MKLN1: variants seen among roughly 807,000 people sequenced by gnomAD.
The protein encoded by MKLN1 is muskelin.
MKLN1 carries 18 observed loss-of-function variants against 99.0 expected under a neutral mutation model. The observed-to-expected ratio is 0.18, with a 90% CI of 0.13 to 0.27. The LOEUF is 0.27. Ranked by LOEUF, MKLN1 falls within the 10% of genes least tolerant of loss-of-function variation. MKLN1 has a pLI of 1.00. For missense variants in MKLN1, 621 were observed against 875.9 expected (o/e 0.71, Z 3.67); for synonymous variants, 288 against 293.2 (o/e 0.98, Z 0.18).
chr7:131,217,307 A>G (rs1234607868), intron 3 of MKLN1, among the ~76,000 whole-genome samples: 1 of 152,248 alleles, frequency 6.6e-6, no homozygotes, highest in African/African-American at 2.4e-5. Context: ...ATGTGCTTAC[A>G]CAGTACAGGA....
At chr7:131,182,222 A>C (rs1240848227) in intron 2 of MKLN1, among the ~76,000 whole-genome samples, 3 of 152,218 alleles carry the variant, frequency 2.0e-5, no homozygotes, top group Non-Finnish European at 4.4e-5. Context: ...AAAATGCTTC[A>C]AACCTGGATA....
intron 15 of MKLN1, among the ~76,000 whole-genome samples, chr7:131,469,995 ACT>A (rs1219808303): frequency 6.7e-6 from 1 of 149,730 alleles, no homozygotes; most frequent in African/African-American, 2.5e-5. Context: ...CCCACCTTAG[ACT>A]CTCGAGTAGC....
rs368207333 is a variant in MKLN1 at position 131,443,458 on chromosome 7, A to T, written c.1174-23A>T. 5.9e-6 allele frequency: 9 copies of T among 1,524,886 alleles called. No homozygotes were observed. In the African/African-American group the frequency reaches 1.2e-4, roughly 21 times the overall value. The allele number at this position is 1,524,886 out of a possible 1,614,324, so 94.5% of individuals were successfully genotyped here. ...TGACAGGAACAAACTAAAACTATTC[A>T]ATCTGTTGCCTTGTTCTGATAGATG... On this transcript the variant is annotated intron_variant, in intron 10 of 17. Coordinates refer to ENST00000352689, the MANE Select transcript of MKLN1 (RefSeq NM_013255.5).
chr7:131,161,172 A>C (rs1449209285), intron 2 of MKLN1, among the ~76,000 whole-genome samples: 1 of 152,216 alleles, frequency 6.6e-6, no homozygotes, highest in African/African-American at 2.4e-5. Context: ...TAAGAGCAGG[A>C]CAGACAGGGT....
chr7:131,486,469 T>G (rs1797281504), intron 17 of MKLN1, among the ~76,000 whole-genome samples: 1 of 152,124 alleles, frequency 6.6e-6, no homozygotes, highest in Non-Finnish European at 1.5e-5. Flanking sequence ...CTTGAGGTAT[T>G]GTTTATTTTC....
At chr7:131,126,146 A>C (rs980862040) in intron 1 of MKLN1, among the ~76,000 whole-genome samples, 1 of 152,250 alleles carries the variant, frequency 6.6e-6, no homozygotes, top group South Asian at 2.1e-4. Context: ...CGTTTGAAGG[A>C]CATGTACAAA....
chr7:131,478,593 T>TGC (rs770672746), intron 16 of MKLN1, 30 bp from the exon 17 acceptor site: 466 of 1,389,490 alleles, frequency 3.4e-4, no homozygotes, highest in Admixed American at 7.2e-4. Flanking sequence ...AATTTGCTGC[T>TGC]TCTTTTTTTT....
chr7:131,323,189 T>C (rs1798818197), upstream of MKLN1, among the ~76,000 whole-genome samples: 1 of 152,048 alleles, frequency 6.6e-6, no homozygotes, highest in South Asian at 2.1e-4. Context: ...GAGAAGGAAA[T>C]GTGTACATTG....
chr7:131,491,382 C>G lies in MKLN1; in HGVS notation c.*3654C>G, dbSNP rs1000775246. 5.3e-5 allele frequency: 8 copies of G among 152,072 alleles called. No homozygotes were observed. Among genetic ancestry groups the G allele is most frequent in the Admixed American group, 3.3e-4 (5 of 15,254 alleles). 9.4% of individuals were successfully genotyped at this position (152,072 alleles called of 1,614,324 possible). A position where few individuals can be genotyped will look rare whatever the true frequency, so the allele number is the denominator to read the frequency against. ...AAGGCTGCCCAGAAAAAGTTTATGGCTGGAGGAGTATCATACAGTGTCTAC... is the reference window on the plus strand; with the variant it reads ...AAGGCTGCCCAGAAAAAGTTTATGGGTGGAGGAGTATCATACAGTGTCTAC... On this transcript the variant is annotated 3_prime_UTR_variant, in exon 18 of 18. Coordinates refer to ENST00000352689, the MANE Select transcript of MKLN1 (RefSeq NM_013255.5).
chr7:131,342,748 C>G (rs1407177330), intron 1 of MKLN1, among the ~76,000 whole-genome samples: 1 of 152,178 alleles, frequency 6.6e-6, no homozygotes, highest in Non-Finnish European at 1.5e-5. Flanking sequence ...ACATCTAGGT[C>G]TGAAAGTTTA....
At chr7:131,372,090 G>A (rs1484063258) in intron 1 of MKLN1, among the ~76,000 whole-genome samples, 4 of 151,852 alleles carry the variant, frequency 2.6e-5, no homozygotes, top group Admixed American at 2.6e-4. Context: ...TGTGAAAGAT[G>A]AAGGAACTAC....
intron 3 of MKLN1, among the ~76,000 whole-genome samples, chr7:131,313,218 G>T (rs1358868399): frequency 6.6e-6 from 1 of 152,154 alleles, no homozygotes; most frequent in East Asian, 1.9e-4. Context: ...AAGTGACCAT[G>T]GAAAGCATTT....
At chr7:131,190,714 C>G (rs1332483710) in intron 2 of MKLN1, among the ~76,000 whole-genome samples, 4 of 151,948 alleles carry the variant, frequency 2.6e-5, no homozygotes, top group African/African-American at 4.8e-5. Flanking sequence ...GTGTGACCAC[C>G]CAAATAATAG....
At chr7:131,286,093 G>A (rs1212916653) in intron 3 of MKLN1, among the ~76,000 whole-genome samples, 1 of 152,054 alleles carries the variant, frequency 6.6e-6, no homozygotes, top group Non-Finnish European at 1.5e-5. Flanking sequence ...TGGGATTACA[G>A]GCATGCGTTA....
intron 3 of MKLN1, among the ~76,000 whole-genome samples, chr7:131,204,774 G>A (rs1796782695): frequency 6.6e-6 from 1 of 152,080 alleles, no homozygotes; most frequent in African/African-American, 2.4e-5. Flanking sequence ...GACCATCCTG[G>A]CTACAAAAAA....
At chr7:131,455,567 C>T (rs866951014) in intron 12 of MKLN1, among the ~76,000 whole-genome samples, 15 of 151,932 alleles carry the variant, frequency 9.9e-5, no homozygotes, top group Non-Finnish European at 1.3e-4. Context: ...TAATGATTAA[C>T]GTTTACTGAT....
intron 3 of MKLN1, among the ~76,000 whole-genome samples, chr7:131,216,883 C>G (rs7811386): frequency 0.29 from 43,738 of 152,056 alleles, 6,656 homozygotes; most frequent in South Asian, 0.44. Flanking sequence ...GAAAATAACT[C>G]AAACCAAACT....
chr7:131,225,681 C>T (rs1797136404), intron 3 of MKLN1, among the ~76,000 whole-genome samples: 2 of 152,250 alleles, frequency 1.3e-5, no homozygotes, highest in East Asian at 1.9e-4. Flanking sequence ...GATCCTTTGT[C>T]GAGTTGGGTA....
At chr7:131,411,530 T>C (rs1029867029) in intron 7 of MKLN1, 147 bp downstream of exon 7, 49 of 634,620 alleles carry the variant, frequency 7.7e-5, no homozygotes, top group Non-Finnish European at 1.2e-4. Flanking sequence ...CCCAATACTT[T>C]TGGAGGCCGA....
Sources: allele counts gnomAD v4.1 joint callset (sites outside exome capture counted in the v4.1 genomes callset), GRCh38; gene constraint gnomAD v4.1.1; transcripts MANE v1.5; gene names NCBI Gene and HGNC (gene_info 2026-07-23, HGNC 2026-07-21).